SND1: variants seen among roughly 807,000 people sequenced by gnomAD.
The protein encoded by SND1 is staphylococcal nuclease domain-containing protein 1.
SND1 carries 38 observed loss-of-function variants against 121.7 expected under a neutral mutation model. The ratio of observed to expected loss-of-function variants is 0.31; its 90% CI spans 0.24 to 0.41. SND1 has a LOEUF of 0.41. Ranked by LOEUF, SND1 falls within the 10% of genes least tolerant of loss-of-function variation. The pLI is 1.00. For synonymous variants in SND1, 401 were observed against 447.4 expected (o/e 0.90, Z 1.31); for missense variants, 868 against 1,184.6 (o/e 0.73, Z 3.92).
At chr7:128,033,443 C>G (rs1228107862) in intron 16 of SND1, among the ~76,000 whole-genome samples, 1 of 152,168 alleles carries the variant, frequency 6.6e-6, no homozygotes, top group Non-Finnish European at 1.5e-5. Context: ...CTGGCAGGCT[C>G]GCTTGATAAA....
At chr7:128,056,324 G>A (rs892027082) in intron 16 of SND1, among the ~76,000 whole-genome samples, 77 of 152,312 alleles carry the variant, frequency 5.1e-4, no homozygotes, top group Non-Finnish European at 8.8e-4. Context: ...CTGGAAGGGC[G>A]CAGCCATAAT....
intron 10 of SND1, among the ~76,000 whole-genome samples, chr7:127,803,611 C>T (rs1049768221): frequency 6.6e-6 from 1 of 152,016 alleles, no homozygotes; most frequent in Admixed American, 6.6e-5. Flanking sequence ...TTATAATAAT[C>T]CTACAGTATC....
chr7:128,073,503 G>T (rs1348827829), intron 16 of SND1, among the ~76,000 whole-genome samples: 1 of 152,126 alleles, frequency 6.6e-6, no homozygotes, highest in Non-Finnish European at 1.5e-5. Flanking sequence ...CTTCTGGGGA[G>T]GCATGTCACC....
Position 128,012,258 on chromosome 7 carries a change from C to T in SND1, c.1779+21202C>T, listed in dbSNP as rs568325721. Among the ~76,000 whole-genome samples the T allele has an allele frequency of 2.0e-5, 3 of 152,268 alleles. No homozygotes were observed. In the East Asian group the frequency reaches 5.8e-4, roughly 29 times the overall value. On this transcript the variant is annotated intron_variant, in intron 16 of 23. Coordinates refer to ENST00000354725, the MANE Select transcript of SND1 (RefSeq NM_014390.4). ...AATTAGACCTGTATCTGGAATCTGA[C>T]TTCAGGAGCGTACAACTAGACAATA...
At chr7:127,856,488 G>A (rs536961416) in intron 12 of SND1, among the ~76,000 whole-genome samples, 3 of 152,304 alleles carry the variant, frequency 2.0e-5, no homozygotes, top group African/African-American at 4.8e-5. Flanking sequence ...TTTAAACAGG[G>A]AAACAAAAGG....
intron 16 of SND1, chr7:127,997,931 T>C: frequency 1.9e-6 from 1 of 534,796 alleles, no homozygotes; most frequent in East Asian, 5.4e-5. Flanking sequence ...AGATGAGATG[T>C]CCTTCCATCA....
intron 10 of SND1, among the ~76,000 whole-genome samples, chr7:127,794,937 G>GT (rs2116549911): frequency 6.6e-6 from 1 of 152,334 alleles, no homozygotes; most frequent in African/African-American, 2.4e-5. Context: ...GCTGCCACCG[G>GT]TTACCATACT....
At chr7:127,741,107 C>T (rs983624794) in intron 10 of SND1, among the ~76,000 whole-genome samples, 1 of 152,142 alleles carries the variant, frequency 6.6e-6, no homozygotes, top group Non-Finnish European at 1.5e-5. Flanking sequence ...ATAATAGTGT[C>T]TGACTTCTCT....
chr7:127,730,455 G>T (rs957195666), intron 10 of SND1, among the ~76,000 whole-genome samples: 5 of 152,150 alleles, frequency 3.3e-5, no homozygotes, highest in African/African-American at 1.2e-4. Context: ...TCATTTCTCT[G>T]CTAGAAGCCA....
At chr7:128,050,156 A>G (rs1296839732) in intron 16 of SND1, among the ~76,000 whole-genome samples, 2 of 152,142 alleles carry the variant, frequency 1.3e-5, no homozygotes, top group Admixed American at 1.3e-4. Context: ...GGAGCACTTA[A>G]TTTACCCAGT....
intron 10 of SND1, among the ~76,000 whole-genome samples, chr7:127,752,533 T>A (rs919644359): frequency 6.6e-6 from 1 of 152,206 alleles, no homozygotes; most frequent in Non-Finnish European, 1.5e-5. Flanking sequence ...TCTGTTTCCT[T>A]TGGTAAGTGA....
chr7:127,928,577 T>A (rs2116817388), intron 14 of SND1, among the ~76,000 whole-genome samples: 1 of 151,936 alleles, frequency 6.6e-6, no homozygotes, highest in Admixed American at 6.5e-5. Context: ...TACCTCAACT[T>A]TTTTTTCTTT....
chr7:127,725,936 GTTCTTTTAATAT>G (rs1309055720), intron 10 of SND1, among the ~76,000 whole-genome samples: 5 of 152,126 alleles, frequency 3.3e-5, no homozygotes, highest in Non-Finnish European at 5.9e-5. Flanking sequence ...CATGGGGGAG[GTTCTTTTAATAT>G]TTTCTTCCTC....
chr7:127,874,089 A>G (rs1207528389), intron 12 of SND1, among the ~76,000 whole-genome samples: 1 of 152,138 alleles, frequency 6.6e-6, no homozygotes, highest in Non-Finnish European at 1.5e-5. Flanking sequence ...GGGGCAGGAC[A>G]CCACTGTAAA....
At chr7:127,991,978 C>A (rs1371621331) in intron 16 of SND1, among the ~76,000 whole-genome samples, 1 of 152,138 alleles carries the variant, frequency 6.6e-6, no homozygotes, top group Non-Finnish European at 1.5e-5. Flanking sequence ...ACTATCCTGG[C>A]CTTGAGAGAA....
chr7:127,734,605 C>T (rs1254039248), intron 10 of SND1, among the ~76,000 whole-genome samples: 3 of 152,234 alleles, frequency 2.0e-5, no homozygotes, highest in East Asian at 1.9e-4. Flanking sequence ...ATAGAGAGAA[C>T]GTAGGAGCTT....
intron 10 of SND1, among the ~76,000 whole-genome samples, chr7:127,764,055 A>AAAAAAC (rs1797362071): frequency 1.7e-5 from 2 of 120,844 alleles, no homozygotes; most frequent in Non-Finnish European, 1.9e-5. Context: ...AAAAAAAACA[A>AAAAAAC]AAAAACAAAA....
At chr7:127,822,365 G>C (rs1249671760) in intron 11 of SND1, among the ~76,000 whole-genome samples, 2 of 152,126 alleles carry the variant, frequency 1.3e-5, no homozygotes, top group African/African-American at 4.8e-5. Flanking sequence ...TATTTGATCT[G>C]TACAACTTAG....
intron 3 of SND1, 42 bp from the exon 4 acceptor site, chr7:127,698,833 A>G (rs201318502): frequency 1.9e-6 from 3 of 1,543,672 alleles, no homozygotes; most frequent in East Asian, 4.5e-5. Flanking sequence ...TGTTGGAGGC[A>G]GGTTTGAATC....
Sources: allele counts gnomAD v4.1 joint callset (sites outside exome capture counted in the v4.1 genomes callset), GRCh38; gene constraint gnomAD v4.1.1; transcripts MANE v1.5; gene names NCBI Gene and HGNC (gene_info 2026-07-23, HGNC 2026-07-21).